Variants in STAU2 observed in about 807,000 individuals in gnomAD.
STAU2 encodes the protein double-stranded RNA-binding protein Staufen homolog 2.
In STAU2, 20 loss-of-function variants were observed where a neutral mutation model predicts 65.9. The ratio of observed to expected loss-of-function variants is 0.30; its 90% confidence interval spans 0.21 to 0.44. The LOEUF (loss-of-function observed/expected upper bound fraction) is 0.44, where lower values mean the gene tolerates loss of function less well. STAU2 is among the 20% of genes least tolerant of loss of function. STAU2 has a pLI of 1.00. For missense variants in STAU2, 558 were observed against 683.9 expected, an observed-to-expected ratio of 0.82 and a Z score of 2.05; for synonymous variants, 232 against 233.9, an observed-to-expected ratio of 0.99 and a Z score of 0.07.
chr8:73,561,104 C>A (rs1234948998), intron 12 of STAU2, among the ~76,000 whole-genome samples: 3 of 152,036 alleles, frequency 2.0e-5, no homozygotes, highest in East Asian at 3.9e-4. Flanking sequence ...AAAGAACAGT[C>A]TGGCACAGGG....
At chr8:73,599,337 C>G (rs1482089180) in intron 10 of STAU2, among the ~76,000 whole-genome samples, 1 of 152,052 alleles carries the variant, frequency 6.6e-6, no homozygotes, top group Non-Finnish European at 1.5e-5. Context: ...AGTCACAACA[C>G]AAGAGGAGGT....
At chr8:73,708,000 AAACAGTTC>A (rs1472527899) in intron 4 of STAU2, among the ~76,000 whole-genome samples, 1 of 152,236 alleles carries the variant, frequency 6.6e-6, no homozygotes, top group East Asian at 1.9e-4. Flanking sequence ...TGAGAAATGC[AAACAGTTC>A]AACATGATTA....
At chr8:73,614,945 GCAAA>G (rs754731972) in intron 8 of STAU2, among the ~76,000 whole-genome samples, 1 of 152,106 alleles carries the variant, frequency 6.6e-6, no homozygotes, top group Non-Finnish European at 1.5e-5. Flanking sequence ...CCAAGAGAAA[GCAAA>G]CAGTTTCTCA....
chr8:73,737,233 C>T (rs192052012), intron 3 of STAU2, among the ~76,000 whole-genome samples: 209 of 150,018 alleles, frequency 1.4e-3, no homozygotes, highest in Non-Finnish European at 2.5e-3. Flanking sequence ...TGCAATGGCA[C>T]GATCTTGGCT....
At chr8:73,711,324 G>A (rs760924219) in intron 3 of STAU2, among the ~76,000 whole-genome samples, 2 of 152,106 alleles carry the variant, frequency 1.3e-5, no homozygotes, top group Middle Eastern at 3.4e-3. Flanking sequence ...AACCTGAGAC[G>A]ATAATCAGTT....
At chr8:73,428,933 G>A (rs1156488407) in intron 13 of STAU2, among the ~76,000 whole-genome samples, 3 of 152,168 alleles carry the variant, frequency 2.0e-5, no homozygotes, top group Non-Finnish European at 4.4e-5. Flanking sequence ...CAAAATGATC[G>A]TCATCCCTCC....
chr8:73,647,284 T>G (rs1361512794), intron 6 of STAU2, among the ~76,000 whole-genome samples: 1 of 151,940 alleles, frequency 6.6e-6, no homozygotes, highest in Admixed American at 6.6e-5. Flanking sequence ...ACATAGATAT[T>G]CACAGCAGCT....
chr8:73,670,170 T>C (rs1007470810), intron 6 of STAU2, among the ~76,000 whole-genome samples: 5 of 152,096 alleles, frequency 3.3e-5, no homozygotes, highest in African/African-American at 1.2e-4. Flanking sequence ...ATAAAACAAC[T>C]ACAAGAGAAA....
chr8:73,733,703 C>T (rs1362484676), intron 3 of STAU2, among the ~76,000 whole-genome samples: 2 of 151,766 alleles, frequency 1.3e-5, no homozygotes, highest in African/African-American at 2.4e-5. Flanking sequence ...AGGCAAAACA[C>T]GAAAGAACAA....
chr8:73,695,675 C>G (rs1819647266), intron 4 of STAU2, among the ~76,000 whole-genome samples: 1 of 152,126 alleles, frequency 6.6e-6, no homozygotes, highest in South Asian at 2.1e-4. Flanking sequence ...GAGTCCACAC[C>G]TACGCTGGAC....
chr8:73,612,420 G>A (rs938297107), intron 9 of STAU2, among the ~76,000 whole-genome samples: 1 of 152,146 alleles, frequency 6.6e-6, no homozygotes, highest in African/African-American at 2.4e-5. Flanking sequence ...ACTCAGAACT[G>A]ACTCCAAAGT....
intron 1 of STAU2, chr8:73,742,252 G>GC: frequency 1.0e-6 from 1 of 985,092 alleles, no homozygotes; most frequent in South Asian, 4.7e-5. Context: ...CACCTCCTCA[G>GC]CTGGGTGTGG....
At position 73,421,329 on chromosome 8, in the gene STAU2, AG is replaced by A; in HGVS notation, c.*42del. 1 of 1,503,874 alleles carries A rather than the reference AG, an allele frequency of 6.6e-7. No homozygotes were observed. Among genetic ancestry groups the A allele is most frequent in the Non-Finnish European group, 9.0e-7 (1 of 1,116,808 alleles). 93.2% of individuals were successfully genotyped at this position (1,503,874 alleles called of 1,614,324 possible). A position where few individuals can be genotyped will look rare whatever the true frequency, so the allele number is the denominator to read the frequency against. ...CACAGACACCCTCATGCGTGCTGAC[AG>A]GTTTATAAGGATGCGGTGGCAGCCG... On this transcript the variant is annotated 3_prime_UTR_variant, in exon 15 of 15. Transcript: ENST00000524300.
intron 5 of STAU2, among the ~76,000 whole-genome samples, chr8:73,687,077 G>C (rs1419435916): frequency 4.1e-5 from 6 of 146,800 alleles, no homozygotes; most frequent in Non-Finnish European, 6.0e-5. Flanking sequence ...ATTTTTAGTA[G>C]AGACGGGGTT....
intron 13 of STAU2, among the ~76,000 whole-genome samples, chr8:73,444,407 CAA>C (rs55722523): frequency 0.023 from 2,914 of 128,322 alleles, 66 homozygotes; most frequent in African/African-American, 0.06. Flanking sequence ...AAAACTCCAT[CAA>C]AAAAAAAAAA....
At chr8:73,564,542 A>G (rs1352237674) in intron 12 of STAU2, among the ~76,000 whole-genome samples, 2 of 152,120 alleles carry the variant, frequency 1.3e-5, no homozygotes, top group Admixed American at 1.3e-4. Flanking sequence ...AGGATCAGGA[A>G]AAATAACTAA....
intron 13 of STAU2, among the ~76,000 whole-genome samples, chr8:73,444,698 G>C (rs1250533591): frequency 1.3e-5 from 2 of 152,214 alleles, no homozygotes; most frequent in African/African-American, 4.8e-5. Flanking sequence ...ACACTGGCAT[G>C]GAGTTGATGC....
intron 6 of STAU2, among the ~76,000 whole-genome samples, chr8:73,668,682 A>G (rs926734844): frequency 2.0e-5 from 3 of 152,194 alleles, no homozygotes; most frequent in African/African-American, 7.2e-5. Context: ...CTCAAATGAT[A>G]AAGAAAAATA....
In STAU2 at chr8:73,525,801, T is replaced by C. The variant is rs183878878; in HGVS notation, c.1530+26211A>G. On this transcript the variant is annotated intron_variant, in intron 13 of 14. Coordinates refer to ENST00000524300, the MANE Select transcript of STAU2 (RefSeq NM_001164380.2). ...TTTGCCTCTACCATGAGTGGATACA[T>C]AGATAGATATAAAGTTAGCTACACT... Among the ~76,000 whole-genome samples, 300 of 152,294 alleles carry C rather than the reference T, an allele frequency of 2.0e-3. 1 individual carries two copies. Among genetic ancestry groups the C allele is most frequent in the African/African-American group, 7.0e-3 (290 of 41,566 alleles).
Sources: allele counts gnomAD v4.1 joint callset (sites outside exome capture counted in the v4.1 genomes callset), GRCh38; gene constraint gnomAD v4.1.1; transcripts MANE v1.5; gene names NCBI Gene and HGNC (gene_info 2026-07-23, HGNC 2026-07-21).